The following RBFOX1 variants were observed in gnomAD, a reference collection of about 807,000 sequenced individuals.
RBFOX1 encodes the protein RNA binding protein fox-1 homolog 1.
RBFOX1 carries 8 observed loss-of-function variants against 57.7 expected under a neutral mutation model. The observed-to-expected ratio is 0.14, with a 90% CI of 0.08 to 0.25. The LOEUF (loss-of-function observed/expected upper bound fraction) is 0.25. Among genes scored for constraint, RBFOX1 ranks in the 10% least tolerant of loss-of-function variants. The pLI is 1.00. For synonymous variants in RBFOX1, 326 were observed against 222.4 expected, an observed-to-expected ratio of 1.47 and a Z score of -4.15; for missense variants, 611 against 548.5, an observed-to-expected ratio of 1.11 and a Z score of -1.14.
chr16:5,607,151 G>A (rs2151229588), intron 3 of RBFOX1, among the ~76,000 whole-genome samples: 2 of 152,256 alleles, frequency 1.3e-5, no homozygotes, highest in Admixed American at 1.3e-4. Flanking sequence ...CAGACTCCTG[G>A]GCACGCTCTA....
chr16:5,601,179 G>A (rs1237222428), downstream of RBFOX1: 3 of 152,288 alleles, frequency 2.0e-5, no homozygotes, highest in Non-Finnish European at 4.4e-5. Flanking sequence ...AGTTTCTGTG[G>A]GTCAGGAATC....
At chr16:5,804,671 G>T (rs1177206536) in intron 3 of RBFOX1, among the ~76,000 whole-genome samples, 1 of 152,140 alleles carries the variant, frequency 6.6e-6, no homozygotes, top group African/African-American at 2.4e-5. Flanking sequence ...CATTGTGAAA[G>T]CCTGGTCCTA....
At chr16:7,079,022 T>C (rs980654207) in intron 4 of RBFOX1, among the ~76,000 whole-genome samples, 1 of 151,802 alleles carries the variant, frequency 6.6e-6, no homozygotes, top group African/African-American at 2.4e-5. Flanking sequence ...GAGTTAGGGT[T>C]TCAAAATATC....
intron 3 of RBFOX1, among the ~76,000 whole-genome samples, chr16:6,942,285 C>G (rs913636904): frequency 8.6e-5 from 13 of 152,002 alleles, no homozygotes; most frequent in East Asian, 5.8e-4. Flanking sequence ...ATCTCACAAA[C>G]AAAAAACAAG....
At chr16:7,167,162 T>C (rs1353325377) in intron 4 of RBFOX1, among the ~76,000 whole-genome samples, 1 of 151,324 alleles carries the variant, frequency 6.6e-6, no homozygotes, top group Non-Finnish European at 1.5e-5. Flanking sequence ...ATTTTTGTGT[T>C]TTTAGTAGAG....
intron 2 of RBFOX1, among the ~76,000 whole-genome samples, chr16:6,507,556 C>T (rs1001763615): frequency 1.4e-5 from 2 of 147,278 alleles, no homozygotes; most frequent in Non-Finnish European, 3.0e-5. Context: ...CTTGTAGTTC[C>T]AGCTACCCCC....
intron 4 of RBFOX1, among the ~76,000 whole-genome samples, chr16:5,979,021 C>T (rs1164030841): frequency 6.6e-6 from 1 of 152,222 alleles, no homozygotes; most frequent in African/African-American, 2.4e-5. Flanking sequence ...CTAGGCCCCT[C>T]TCGCCTTCTC....
At chr16:6,567,268 C>T (rs2097280067) in intron 2 of RBFOX1, among the ~76,000 whole-genome samples, 3 of 152,168 alleles carry the variant, frequency 2.0e-5, no homozygotes, top group Non-Finnish European at 4.4e-5. Flanking sequence ...TATCTTATTT[C>T]ATCCCCTTTA....
At chr16:7,273,749 A>T (rs1024818862) in intron 4 of RBFOX1, among the ~76,000 whole-genome samples, 1 of 152,242 alleles carries the variant, frequency 6.6e-6, no homozygotes, top group Non-Finnish European at 1.5e-5. Flanking sequence ...TCATCAGAAT[A>T]CAGTGGAGAA....
At chr16:6,860,917 G>C (rs1464329475) in intron 3 of RBFOX1, among the ~76,000 whole-genome samples, 1 of 152,044 alleles carries the variant, frequency 6.6e-6, no homozygotes, top group African/African-American at 2.4e-5. Context: ...ATTTATATAT[G>C]AATGTGCCCA....
intron 1 of RBFOX1, among the ~76,000 whole-genome samples, chr16:6,103,248 G>A (rs1361361986): frequency 6.6e-6 from 1 of 152,158 alleles, no homozygotes; most frequent in African/African-American, 2.4e-5. Context: ...GTCTCTGACA[G>A]TTACCAGTTT....
intron 3 of RBFOX1, among the ~76,000 whole-genome samples, chr16:6,818,131 C>T (rs896331379): frequency 1.3e-5 from 2 of 152,230 alleles, no homozygotes; most frequent in African/African-American, 2.4e-5. Context: ...TATGGAAGCC[C>T]TTTTCTAGGT....
intron 3 of RBFOX1, among the ~76,000 whole-genome samples, chr16:5,730,816 C>A (rs2052338734): frequency 6.6e-6 from 1 of 152,088 alleles, no homozygotes; most frequent in South Asian, 2.1e-4. Context: ...ATCAACACTG[C>A]CATTGTCACC....
rs867897555 is a variant in RBFOX1 at position 6,470,266 on chromosome 16, A to G, written c.-64+153209A>G. 2.0e-5 allele frequency among the ~76,000 whole-genome samples: 3 copies of G among 152,174 alleles called. No homozygotes were observed. In the South Asian group the frequency reaches 6.2e-4, roughly 32 times the overall value. On this transcript the variant is annotated intron_variant, in intron 2 of 15. Coordinates refer to ENST00000550418, the MANE Select transcript of RBFOX1 (RefSeq NM_018723.4). ...GAGTAGGTTTAACAAGTAACATTTG[A>G]TCCAGGCATTTTTACAGTAACAGTT...
chr16:6,039,124 C>G (rs2095408277), intron 1 of RBFOX1: 1 of 151,430 alleles, frequency 6.6e-6, no homozygotes, highest in South Asian at 2.1e-4. Context: ...ACCAGATGGC[C>G]AGTGGGTTGA....
At position 5,454,731 on chromosome 16, in the gene RBFOX1, C is replaced by CTTGCTTTCTTTTTCT. The variant is rs1555523969; in HGVS notation, c.220-12483_220-12482insGCTTTCTTTTTCTTT. ...TAAACCAGTTCCTTAAAATCTCTCT[C>CTTGCTTTCTTTTTCT]TTTCTTTCTTTCTTTTTCTTTTCTT... On this transcript the variant is annotated intron_variant, in intron 1 of 2. Coordinates refer to the RBFOX1 transcript ENST00000585867. 5.0e-3 allele frequency among the ~76,000 whole-genome samples: 172 copies of CTTGCTTTCTTTTTCT among 34,654 alleles called. 1 individual carries two copies. Among genetic ancestry groups the CTTGCTTTCTTTTTCT allele is most frequent in the African/African-American group, 0.02 (160 of 8,020 alleles). 22.7% of individuals were successfully genotyped at this position (34,654 alleles called of 152,430 possible). A position where few individuals can be genotyped will look rare whatever the true frequency, so the allele number is the denominator to read the frequency against.
chr16:7,087,963 C>T (rs2060242218), intron 4 of RBFOX1, among the ~76,000 whole-genome samples: 3 of 152,100 alleles, frequency 2.0e-5, no homozygotes, highest in Non-Finnish European at 4.4e-5. Flanking sequence ...AAGATTGCAG[C>T]CCAGAGTAAT....
chr16:5,750,840 C>T (rs62014099), intron 3 of RBFOX1, among the ~76,000 whole-genome samples: 22,362 of 152,248 alleles, frequency 0.15, 1,763 homozygotes, highest in South Asian at 0.19. Context: ...CGCCCTGCTT[C>T]GGCTCACGCA....
chr16:7,021,050 C>T (rs1054768730), intron 3 of RBFOX1, among the ~76,000 whole-genome samples: 1 of 152,244 alleles, frequency 6.6e-6, no homozygotes, highest in East Asian at 1.9e-4. Flanking sequence ...ATCGGTTGAA[C>T]CTGGGAGGCA....
Sources: gnomAD v4.1 joint callset for allele counts (sites outside exome capture counted in the v4.1 genomes callset) on GRCh38, gnomAD v4.1.1 for gene constraint, MANE v1.5 for transcripts, NCBI Gene and HGNC (gene_info 2026-07-23, HGNC 2026-07-21) for gene names.